The following DLG1 variants were observed in gnomAD, a reference collection of about 807,000 sequenced individuals.
DLG1 encodes discs large MAGUK scaffold protein 1.
A neutral mutation model predicts 123.4 loss-of-function variants in DLG1; 42 were observed. The ratio of observed to expected loss-of-function variants is 0.34; its 90% CI spans 0.27 to 0.44. DLG1 has a LOEUF of 0.44. Among genes scored for constraint, DLG1 ranks in the 20% least tolerant of loss-of-function variants. The pLI is 1.00. For missense variants in DLG1, 942 were observed against 1,082.6 expected (o/e 0.87, Z 1.82); for synonymous variants, 317 against 356.2 (o/e 0.89, Z 1.24).
intron 5 of DLG1, among the ~76,000 whole-genome samples, chr3:197,189,239 A>G (rs1260946162): frequency 6.6e-6 from 1 of 152,246 alleles, no homozygotes; most frequent in African/African-American, 2.4e-5. Context: ...ATAAAAATAG[A>G]GATAACAGAT....
chr3:197,093,062 C>T (rs978292335), intron 14 of DLG1, among the ~76,000 whole-genome samples: 1 of 152,082 alleles, frequency 6.6e-6, no homozygotes, highest in Non-Finnish European at 1.5e-5. Flanking sequence ...TATAAAGATA[C>T]CCACAAACAC....
chr3:197,194,531 G>T lies in DLG1; in HGVS notation c.377C>A (p.Thr126Lys). ...CAATTCTGGACCTATCACTTCATTT[G>T]TGATTTGTGGGGAAATATGCTCTTG... ...PPQEHISPQITNEVIGPELVH... is the reference protein window; with the variant it reads ...PPQEHISPQIKNEVIGPELVH... Residue 126 changes from threonine (T) to lysine (K), a missense_variant, in exon 5 of 25, where the codon ACA becomes AAA. Physicochemically the swap from Thr to Lys is moderately conservative, Grantham distance 78. Coordinates refer to ENST00000667157, the MANE Select transcript of DLG1 (RefSeq NM_001366207.1). 1 of 1,605,682 alleles carries T rather than the reference G, an allele frequency of 6.2e-7. No individual in the cohort carries two copies.
intron 4 of DLG1, chr3:197,226,227 GA>G: frequency 6.6e-6 from 1 of 152,190 alleles, no homozygotes. Flanking sequence ...TTACCAGAAT[GA>G]AAGTGCTCAT....
chr3:197,297,807 C>T (rs879764499), intron 1 of DLG1: 6 of 985,392 alleles, frequency 6.1e-6, no homozygotes, highest in Non-Finnish European at 6.0e-6. Flanking sequence ...CACAAAGTTC[C>T]GGTGAGCGGC....
chr3:197,247,439 A>C (rs1446992073), intron 4 of DLG1, among the ~76,000 whole-genome samples: 1 of 152,076 alleles, frequency 6.6e-6, no homozygotes, highest in Non-Finnish European at 1.5e-5. Flanking sequence ...TACTCCTTTC[A>C]GAGGAGCTGG....
chr3:197,244,645 C>T (rs1183441556), intron 4 of DLG1, among the ~76,000 whole-genome samples: 4 of 151,198 alleles, frequency 2.6e-5, no homozygotes, highest in Admixed American at 6.6e-5. Context: ...GGAACAATAG[C>T]GCATGACTTT....
In DLG1 at chr3:197,211,504, GT is replaced by G. The variant is rs569638649; in HGVS notation, c.319-16916del. On this transcript the variant is annotated intron_variant, in intron 4 of 24. Transcript: ENST00000667157. ...GTTCAATACACGCCAATCAATAAATGTGATTCATCACATAAACAGAACTAAA... is the reference window on the plus strand; with the variant it reads ...GTTCAATACACGCCAATCAATAAATGGATTCATCACATAAACAGAACTAAA... Among the ~76,000 whole-genome samples, 140 of 146,710 alleles carry G rather than the reference GT, an allele frequency of 9.5e-4. 8 individuals are homozygous for G. The highest frequency in any genetic ancestry group is 3.1e-3 in the African/African-American group (126 of 41,236).
At chr3:197,188,065 A>G (rs1034234728) in intron 5 of DLG1, among the ~76,000 whole-genome samples, 8 of 152,248 alleles carry the variant, frequency 5.3e-5, no homozygotes, top group African/African-American at 1.9e-4. Flanking sequence ...CAATAATCTA[A>G]TAGATTAATT....
chr3:197,203,117 G>C, intron 4 of DLG1, among the ~76,000 whole-genome samples: 1 of 152,092 alleles, frequency 6.6e-6, no homozygotes, highest in East Asian at 1.9e-4. Flanking sequence ...TTAAAAATTA[G>C]CTGGATGTGG....
Position 197,076,575 on chromosome 3 carries a change from C to T in DLG1, c.2005+11G>A. On this transcript the variant is annotated intron_variant, in intron 18 of 24. Coordinates refer to ENST00000667157, the MANE Select transcript of DLG1 (RefSeq NM_001366207.1). ...TTTATTTTCAGTTGACCACTGGATC[C>T]ACATACTTACGGTCAGCATCACTTG... 3 of 1,599,700 alleles carry T rather than the reference C, an allele frequency of 1.9e-6. No homozygotes were observed. The highest frequency in any genetic ancestry group is 2.6e-6 in the Non-Finnish European group (3 of 1,169,184).
rs189981130 is a variant in DLG1, at chr3:197,182,215, T to C, written c.483+12210A>G. ...TAGTATTAATCTACAATGAATAACA[T>C]TGTCAACCTTTAGTCTTTGCATCCT... On this transcript the variant is annotated intron_variant, in intron 5 of 24. Coordinates refer to ENST00000667157, the MANE Select transcript of DLG1 (RefSeq NM_001366207.1). 1.7e-3 allele frequency among the ~76,000 whole-genome samples: 253 copies of C among 152,316 alleles called. 3 individuals carry two copies. Among genetic ancestry groups the C allele is most frequent in the Admixed American group, 0.015 (231 of 15,298 alleles).
chr3:197,050,404 CCAA>C (rs1173130627), intron 24 of DLG1, among the ~76,000 whole-genome samples: 1 of 151,444 alleles, frequency 6.6e-6, no homozygotes, highest in Non-Finnish European at 1.5e-5. Flanking sequence ...CCAAAAAAAC[CCAA>C]CAACAAACAA....
At chr3:197,143,805 G>A (rs1341703940) in intron 6 of DLG1, among the ~76,000 whole-genome samples, 2 of 151,922 alleles carry the variant, frequency 1.3e-5, no homozygotes, top group Admixed American at 6.6e-5. Flanking sequence ...GTGCCTCCTC[G>A]GTCACAAATT....
chr3:197,082,810 T>TA (rs1751995172), intron 16 of DLG1, among the ~76,000 whole-genome samples: 1 of 152,222 alleles, frequency 6.6e-6, no homozygotes, highest in African/African-American at 2.4e-5. Context: ...GGTCTCAAGA[T>TA]ATCTTTCTTA....
rs1721720194 is a variant in DLG1 at position 197,044,745 on chromosome 3, C to T, written c.2576-16G>A. ...TGTACAATAGCTGTAATGATAGAAA[C>T]AAAATCAGAAATCTCCATTAATTGT... On this transcript the variant is annotated splice_polypyrimidine_tract_variant and intron_variant, in intron 24 of 24. Coordinates refer to ENST00000667157, the MANE Select transcript of DLG1 (RefSeq NM_001366207.1). 6.9e-7 allele frequency: 1 copy of T among 1,441,290 alleles called. No individual in the cohort carries two copies. Among genetic ancestry groups the T allele is most frequent in the Non-Finnish European group, 9.4e-7 (1 of 1,059,584 alleles). 89.3% of individuals were successfully genotyped at this position (1,441,290 alleles called of 1,614,324 possible).
chr3:197,073,441 T>A (rs1251120178), intron 18 of DLG1, among the ~76,000 whole-genome samples: 6 of 152,180 alleles, frequency 3.9e-5, no homozygotes, highest in African/African-American at 9.7e-5. Context: ...GTTAAAGGAA[T>A]CTTACCTAGT....
rs1270774208 is a variant in DLG1, at chr3:197,136,578, C to T, written c.984G>A (p.Lys328=). The T allele has an allele frequency of 6.2e-6, 10 of 1,613,242 alleles. No homozygotes were observed. The highest frequency in any genetic ancestry group is 8.5e-6 in the Non-Finnish European group (10 of 1,179,658). The change falls in exon 10 of 25, where the codon AAG becomes AAA. Residue 328 remains lysine, a synonymous_variant. Coordinates refer to ENST00000667157, the MANE Select transcript of DLG1 (RefSeq NM_001366207.1). ...TKIIEGGAAH[K]DGKLQIGDKL... ...TATCTCCAATCTGAAGTTTGCCATCCTTATGTGCTGCACCTCCTTCAATTA... is the reference window on the plus strand; with the variant it reads ...TATCTCCAATCTGAAGTTTGCCATCTTTATGTGCTGCACCTCCTTCAATTA...
At chr3:197,263,710 A>C (rs1035292839) in intron 4 of DLG1, among the ~76,000 whole-genome samples, 1 of 152,002 alleles carries the variant, frequency 6.6e-6, no homozygotes, top group African/African-American at 2.4e-5. Flanking sequence ...TCACTTGAAC[A>C]CAGGAGGTGG....
intron 13 of DLG1, among the ~76,000 whole-genome samples, chr3:197,113,632 T>C (rs1414244689): frequency 6.6e-6 from 1 of 152,172 alleles, no homozygotes; most frequent in Non-Finnish European, 1.5e-5. Context: ...AACCTTTATA[T>C]TTAAAGTAAA....
Sources: gnomAD v4.1 joint callset for allele counts (sites outside exome capture counted in the v4.1 genomes callset) on GRCh38, gnomAD v4.1.1 for gene constraint, MANE v1.5 for transcripts, NCBI Gene and HGNC (gene_info 2026-07-23, HGNC 2026-07-21) for gene names.